ERC1: variants seen among roughly 807,000 people sequenced by gnomAD.
ERC1 encodes the protein RAB6 interacting protein 2.
ERC1 carries 56 observed loss-of-function variants against 132.0 expected under a neutral mutation model. That is an observed-to-expected ratio of 0.42 (90% CI 0.34 to 0.53). The LOEUF (loss-of-function observed/expected upper bound fraction) is 0.53. Among genes scored for constraint, ERC1 ranks in the 20% least tolerant of loss-of-function variants. The pLI, the probability that ERC1 is intolerant of heterozygous loss-of-function variation, is 0.03. For synonymous variants in ERC1, 478 were observed against 476.1 expected (o/e 1.00, Z -0.05); for missense variants, 1,202 against 1,349.9 (o/e 0.89, Z 1.72).
At chr12:1,206,590 C>T (rs994105328) in intron 12 of ERC1, among the ~76,000 whole-genome samples, 2 of 152,060 alleles carry the variant, frequency 1.3e-5, no homozygotes, top group African/African-American at 4.8e-5. Flanking sequence ...TATCTTCAGA[C>T]ATACACATCT....
At chr12:1,380,037 C>T (rs1202625448) in intron 16 of ERC1, 2 of 152,206 alleles carry the variant, frequency 1.3e-5, no homozygotes, top group Non-Finnish European at 2.9e-5. Flanking sequence ...TTGGATGAAT[C>T]GCAAAGACAC....
intron 18 of ERC1, among the ~76,000 whole-genome samples, chr12:1,463,571 G>C (rs2093683005): frequency 6.6e-6 from 1 of 152,188 alleles, no homozygotes; most frequent in Non-Finnish European, 1.5e-5. Context: ...GGGCAGCATA[G>C]TGTGAGAGAC....
At chr12:1,093,225 G>C (rs1943478769) in intron 3 of ERC1, among the ~76,000 whole-genome samples, 1 of 152,188 alleles carries the variant, frequency 6.6e-6, no homozygotes, top group South Asian at 2.1e-4. Flanking sequence ...GAGGTAAAAA[G>C]TAAGATTTCA....
intron 16 of ERC1, among the ~76,000 whole-genome samples, chr12:1,390,274 A>G (rs1159236414): frequency 2.0e-5 from 3 of 152,226 alleles, no homozygotes; most frequent in Admixed American, 6.5e-5. Flanking sequence ...TGATATATTT[A>G]GAACTGATCA....
intron 18 of ERC1, among the ~76,000 whole-genome samples, chr12:1,460,583 T>G (rs2093624782): frequency 1.3e-5 from 2 of 152,176 alleles, no homozygotes; most frequent in South Asian, 4.1e-4. Context: ...AAAGTGAAAC[T>G]TCCTAGATCT....
chr12:1,235,605 A>G (rs548101319), intron 12 of ERC1, among the ~76,000 whole-genome samples: 1 of 152,368 alleles, frequency 6.6e-6, no homozygotes, highest in South Asian at 2.1e-4. Context: ...CTAGGTGGTT[A>G]GAAACATGCA....
intron 15 of ERC1, among the ~76,000 whole-genome samples, chr12:1,297,417 A>G (rs77806293): frequency 2.0e-3 from 311 of 151,954 alleles, no homozygotes; most frequent in African/African-American, 7.1e-3. Context: ...AACACCAGAC[A>G]TGGGCCGGGC....
At chr12:1,394,035 A>AAAC (rs2090256043) in intron 16 of ERC1, among the ~76,000 whole-genome samples, 6 of 84,764 alleles carry the variant, frequency 7.1e-5, no homozygotes, top group Admixed American at 3.3e-4. Flanking sequence ...AAAAAAAAAC[A>AAAC]AAAAAAAAAC....
chr12:1,193,878 T>G (rs1955973671), intron 12 of ERC1, among the ~76,000 whole-genome samples: 1 of 152,238 alleles, frequency 6.6e-6, no homozygotes, highest in African/African-American at 2.4e-5. Flanking sequence ...TAGATTAATA[T>G]TTGATGGAAT....
rs1028877817 is a variant in ERC1, at chr12:1,491,827, C to T, written c.*1597C>T. 1.7e-5 allele frequency: 4 copies of T among 232,426 alleles called. No homozygotes were observed. Among genetic ancestry groups the T allele is most frequent in the African/African-American group, 8.8e-5 (4 of 45,314 alleles). 14.4% of individuals were successfully genotyped at this position (232,426 alleles called of 1,614,324 possible). On this transcript the variant is annotated 3_prime_UTR_variant, in exon 19 of 19. Coordinates refer to ENST00000360905, the MANE Select transcript of ERC1 (RefSeq NM_178040.4). ...ATTGTTAAGGACGTAGCGTAGACAA[C>T]AGCAGTCATAAATAATTAGGCAGGA...
chr12:1,041,076 C>G (rs1970127579), intron 2 of ERC1, among the ~76,000 whole-genome samples: 1 of 152,052 alleles, frequency 6.6e-6, no homozygotes, highest in Non-Finnish European at 1.5e-5. Flanking sequence ...TAGGTTATAT[C>G]TACCAATATT....
chr12:1,296,998 TGAAACCAAGCAGGA>T (rs1594836287), intron 15 of ERC1, among the ~76,000 whole-genome samples: 1 of 151,824 alleles, frequency 6.6e-6, no homozygotes, highest in East Asian at 1.9e-4. Context: ...AGAAACTAAG[TGAAACCAAGCAGGA>T]TAAATACAAA....
intron 1 of ERC1, among the ~76,000 whole-genome samples, chr12:995,989 C>T (rs928860634): frequency 6.6e-6 from 1 of 151,996 alleles, no homozygotes; most frequent in African/African-American, 2.4e-5. Context: ...GAGAATTCTG[C>T]TTGATTATGA....
intron 11 of ERC1, among the ~76,000 whole-genome samples, chr12:1,185,305 G>A (rs536183067): frequency 6.6e-6 from 1 of 151,850 alleles, no homozygotes; most frequent in African/African-American, 2.4e-5. Flanking sequence ...CTCCCAAACT[G>A]CTGGGAGCAA....
chr12:1,104,204 T>C (rs758385262), intron 3 of ERC1, among the ~76,000 whole-genome samples: 2 of 151,898 alleles, frequency 1.3e-5, no homozygotes, highest in African/African-American at 4.8e-5. Flanking sequence ...AACAGTGTCA[T>C]GTTTTTCTTC....
At chr12:1,420,375 A>T (rs1030500472) in intron 17 of ERC1, among the ~76,000 whole-genome samples, 9 of 152,294 alleles carry the variant, frequency 5.9e-5, no homozygotes, top group African/African-American at 2.2e-4. Context: ...TAATTTCCCA[A>T]CATCAATTAA....
intron 1 of ERC1, among the ~76,000 whole-genome samples, chr12:1,007,540 C>CTG (rs10570281): frequency 1.8e-3 from 227 of 122,778 alleles, no homozygotes; most frequent in African/African-American, 7.4e-3. Context: ...CTCTCTCTCT[C>CTG]TGTGTGTGTG....
intron 15 of ERC1, among the ~76,000 whole-genome samples, chr12:1,321,223 A>C (rs1452009259): frequency 6.6e-6 from 1 of 152,228 alleles, no homozygotes; most frequent in African/African-American, 2.4e-5. Flanking sequence ...CAGTTTCCAC[A>C]TGTATGTAAA....
intron 16 of ERC1, among the ~76,000 whole-genome samples, chr12:1,384,706 TATA>T (rs1566734818): frequency 6.6e-6 from 1 of 152,178 alleles, no homozygotes; most frequent in African/African-American, 2.4e-5. Flanking sequence ...TTTTATGAAA[TATA>T]AGAATTTAAA....
Sources: allele counts gnomAD v4.1 joint callset (sites outside exome capture counted in the v4.1 genomes callset), GRCh38; gene constraint gnomAD v4.1.1; transcripts MANE v1.5; gene names NCBI Gene and HGNC (gene_info 2026-07-23, HGNC 2026-07-21).